EEFSEC: variants seen among roughly 807,000 people sequenced by gnomAD.
EEFSEC encodes eukaryotic elongation factor, selenocysteine-tRNA specific, also known as selenocysteine-specific elongation factor.
EEFSEC carries 43 observed loss-of-function variants against 42.1 expected under a neutral mutation model. The observed-to-expected ratio is 1.02, with a 90% confidence interval of 0.80 to 1.32. The LOEUF (loss-of-function observed/expected upper bound fraction) is 1.32. Ranked by LOEUF, EEFSEC falls within the 40% of genes most tolerant of loss-of-function variation. The probability of loss-of-function intolerance (pLI) is 0.00; values close to 1 mark genes in which losing one functional copy is unlikely to be tolerated. For missense variants in EEFSEC, 745 were observed against 803.6 expected (o/e 0.93, Z 0.88); for synonymous variants, 354 against 339.1 (o/e 1.04, Z -0.48).
intron 1 of EEFSEC, among the ~76,000 whole-genome samples, chr3:128,180,846 A>T (rs1042045530): frequency 6.6e-6 from 1 of 152,240 alleles, no homozygotes; most frequent in African/African-American, 2.4e-5. Context: ...TGAAAATCAG[A>T]TGTGACTTAA....
At chr3:128,161,120 A>T (rs2065181768) in intron 1 of EEFSEC, among the ~76,000 whole-genome samples, 1 of 152,184 alleles carries the variant, frequency 6.6e-6, no homozygotes. Flanking sequence ...CACAGCCCAT[A>T]CGCTGGCATT....
chr3:128,340,320 A>G (rs565509749), intron 4 of EEFSEC, among the ~76,000 whole-genome samples: 6 of 151,954 alleles, frequency 3.9e-5, no homozygotes, highest in African/African-American at 1.4e-4. Context: ...TGTTTTCTTT[A>G]TAGCATATGT....
At chr3:128,188,667 A>G (rs570960045) in intron 1 of EEFSEC, among the ~76,000 whole-genome samples, 1 of 152,116 alleles carries the variant, frequency 6.6e-6, no homozygotes, top group Non-Finnish European at 1.5e-5. Context: ...ACTATTTCTA[A>G]ATGTTCTTGT....
intron 6 of EEFSEC, among the ~76,000 whole-genome samples, chr3:128,388,309 G>C (rs2067866687): frequency 6.6e-6 from 1 of 152,152 alleles, no homozygotes; most frequent in Non-Finnish European, 1.5e-5. Flanking sequence ...CTAGCTGCCT[G>C]CATGCCAAGT....
At chr3:128,421,355 A>G in the EEFSEC span, among the ~76,000 whole-genome samples, 1 of 152,280 alleles carries the variant, frequency 6.6e-6, no homozygotes, top group East Asian at 1.9e-4. Flanking sequence ...TCAGGTGTGA[A>G]CAGGGGGGTC....
intron 1 of EEFSEC, among the ~76,000 whole-genome samples, chr3:128,157,674 A>C (rs1944404905): frequency 6.6e-6 from 1 of 152,250 alleles, no homozygotes; most frequent in Non-Finnish European, 1.5e-5. Flanking sequence ...TGAATATTTT[A>C]AGCCCACTGT....
intron 1 of EEFSEC, among the ~76,000 whole-genome samples, chr3:128,162,307 G>A (rs1456774436): frequency 6.6e-6 from 1 of 152,210 alleles, no homozygotes; most frequent in Non-Finnish European, 1.5e-5. Context: ...AACTAAAGCT[G>A]AGGCTGACAC....
intron 4 of EEFSEC, among the ~76,000 whole-genome samples, chr3:128,300,606 A>G (rs1326919869): frequency 6.6e-6 from 1 of 151,756 alleles, no homozygotes; most frequent in East Asian, 1.9e-4. Flanking sequence ...ATTAATGGCA[A>G]TCATGTTAGT....
At chr3:128,417,508 T>A in the EEFSEC span, among the ~76,000 whole-genome samples, 1 of 152,130 alleles carries the variant, frequency 6.6e-6, no homozygotes, top group African/African-American at 2.4e-5. This position sits in a 1 kb window ranked among gnomAD's most constrained non-coding sequence, Gnocchi z 4.3. Context: ...TGTTTCACCC[T>A]TCTTTCTAGC....
intron 5 of EEFSEC, among the ~76,000 whole-genome samples, chr3:128,351,389 C>T (rs1050267822): frequency 3.3e-5 from 5 of 152,214 alleles, no homozygotes; most frequent in African/African-American, 9.7e-5. Flanking sequence ...ATCCTAACAA[C>T]AACCTTTTTC....
intron 4 of EEFSEC, among the ~76,000 whole-genome samples, chr3:128,325,080 G>C (rs1231392314): frequency 6.6e-6 from 1 of 152,184 alleles, no homozygotes; most frequent in Admixed American, 6.5e-5. Context: ...ATCCCTCGCT[G>C]GCCTACTCTC....
chr3:128,169,548 C>G (rs2065274925), intron 1 of EEFSEC, among the ~76,000 whole-genome samples: 2 of 152,192 alleles, frequency 1.3e-5, no homozygotes, highest in Admixed American at 1.3e-4. Flanking sequence ...TTTATCCATC[C>G]TTAGTCTTAT....
intron 6 of EEFSEC, among the ~76,000 whole-genome samples, chr3:128,371,294 G>A (rs2107605039): frequency 6.6e-6 from 1 of 152,174 alleles, no homozygotes. Context: ...CTCCATGCTT[G>A]TATCTGGCCT....
chr3:128,227,032 T>TC (rs1395879920), intron 1 of EEFSEC, among the ~76,000 whole-genome samples: 1 of 152,186 alleles, frequency 6.6e-6, no homozygotes, highest in Non-Finnish European at 1.5e-5. Context: ...TTGCATCCTG[T>TC]CCCTCTGGTT....
intron 6 of EEFSEC, among the ~76,000 whole-genome samples, chr3:128,407,139 GGTGTTGGA>G (rs1049367927): frequency 6.6e-6 from 1 of 152,222 alleles, no homozygotes; most frequent in African/African-American, 2.4e-5. Flanking sequence ...TGAAGATGGA[GGTGTTGGA>G]GTGGGTGCGT....
At chr3:128,384,142 A>G (rs1460773715) in intron 6 of EEFSEC, among the ~76,000 whole-genome samples, 1 of 152,206 alleles carries the variant, frequency 6.6e-6, no homozygotes, top group Non-Finnish European at 1.5e-5. Context: ...TAGAGGAGGC[A>G]GTACTGAGTT....
chr3:128,387,145 A>C (rs2067850004), intron 6 of EEFSEC, among the ~76,000 whole-genome samples: 2 of 152,204 alleles, frequency 1.3e-5, no homozygotes, highest in South Asian at 4.1e-4. Context: ...GTGCTCCTCC[A>C]CTGGTACTGC....
chr3:128,367,854 G>T (rs1480468171), intron 6 of EEFSEC: 31 of 985,194 alleles, frequency 3.1e-5, no homozygotes, highest in Non-Finnish European at 3.7e-5. Context: ...AAGCAGTTCT[G>T]CACTGGTGAC....
chr3:128,201,291 A>G (rs2065641162), intron 1 of EEFSEC, among the ~76,000 whole-genome samples: 2 of 152,052 alleles, frequency 1.3e-5, no homozygotes, highest in African/African-American at 2.4e-5. Flanking sequence ...CTTTCCTGCC[A>G]GGGTACTAGG....
Sources: allele counts gnomAD v4.1 joint callset (sites outside exome capture counted in the v4.1 genomes callset), GRCh38; gene constraint gnomAD v4.1.1; non-coding constraint Gnocchi (gnomAD v3.1); transcripts MANE v1.5; gene names NCBI Gene and HGNC (gene_info 2026-07-23, HGNC 2026-07-21).